Variants in ANKRD30B observed in about 807,000 individuals in gnomAD.
ANKRD30B encodes ankyrin repeat domain-containing protein 30B.
Under a neutral mutation model 202.2 loss-of-function variants are expected in ANKRD30B, and 144 were observed. The ratio of observed to expected loss-of-function variants is 0.71; its 90% CI spans 0.62 to 0.82. ANKRD30B has a LOEUF of 0.82. Ranked by LOEUF, ANKRD30B falls within the 40% of genes least tolerant of loss-of-function variation. ANKRD30B has a pLI of 0.00. For missense variants in ANKRD30B, 1,487 were observed against 1,669.1 expected, an observed-to-expected ratio of 0.89 and a Z score of 1.90; for synonymous variants, 508 against 561.3, an observed-to-expected ratio of 0.91 and a Z score of 1.34.
intron 9 of ANKRD30B, among the ~76,000 whole-genome samples, chr18:14,774,706 C>T (rs1459852230): frequency 6.6e-6 from 1 of 151,918 alleles, no homozygotes; most frequent in Non-Finnish European, 1.5e-5. Context: ...ATTAATACAA[C>T]TGTAAATTAG....
intron 27 of ANKRD30B, 38 bp from the exon 28 acceptor site, chr18:14,810,070 C>G: frequency 6.8e-7 from 1 of 1,463,576 alleles, no homozygotes; most frequent in Non-Finnish European, 9.4e-7. Context: ...ATGAAGTATA[C>G]ATTATCTATT....
At chr18:14,822,783 G>A in intron 32 of ANKRD30B, 106 bp downstream of exon 32, 1 of 1,372,278 alleles carries the variant, frequency 7.3e-7, no homozygotes, top group Non-Finnish European at 9.7e-7. Flanking sequence ...AAAATTGGAT[G>A]GGAAAATTTG....
chr18:14,796,245 T>A lies in ANKRD30B; in HGVS notation c.1850T>A (p.Leu617Gln). ...LEESPVKDGL[L>Q]KPTCGRKVSL... Reference sequence around the variant, plus strand: ...GAGTCTCCTGTTAAAGATGGTCTTCTGAAGGTAATAACTTTTATATTGCTA... The same window carrying A: ...GAGTCTCCTGTTAAAGATGGTCTTCAGAAGGTAATAACTTTTATATTGCTA... The change falls in exon 17 of 44, where the codon CTG becomes CAG. Residue 617 changes from leucine (L) to glutamine (Q), a missense_variant. By Grantham distance (113) the Leu-to-Gln change is moderately radical. Transcript: ENST00000690538. 1 of 1,604,114 alleles carries A rather than the reference T, an allele frequency of 6.2e-7. No homozygotes were observed. Among genetic ancestry groups the A allele is most frequent in the East Asian group, 2.2e-5 (1 of 44,722 alleles).
chr18:14,833,907 T>G (rs1971063133), intron 34 of ANKRD30B, among the ~76,000 whole-genome samples: 1 of 152,190 alleles, frequency 6.6e-6, no homozygotes, highest in Admixed American at 6.5e-5. Flanking sequence ...AGAATACATT[T>G]CTTCAGTGTC....
chr18:14,817,550 C>T (rs1469990013), intron 30 of ANKRD30B, among the ~76,000 whole-genome samples: 1 of 152,118 alleles, frequency 6.6e-6, no homozygotes, highest in South Asian at 2.1e-4. Context: ...AATGTTTCAT[C>T]TCTGCATGTT....
the ANKRD30B span, among the ~76,000 whole-genome samples, chr18:14,922,097 C>T: frequency 3.3e-5 from 5 of 152,142 alleles, no homozygotes; most frequent in South Asian, 1.0e-3. Flanking sequence ...ATTGCCAACA[C>T]CATCCCTTCC....
At chr18:14,926,087 C>T in the ANKRD30B span, among the ~76,000 whole-genome samples, 6 of 152,162 alleles carry the variant, frequency 3.9e-5, no homozygotes, top group East Asian at 3.8e-4. Flanking sequence ...TGCCTACCAG[C>T]GGCAGAGTTA....
chr18:14,934,995 C>G, the ANKRD30B span, among the ~76,000 whole-genome samples: 2 of 152,132 alleles, frequency 1.3e-5, no homozygotes, highest in South Asian at 4.1e-4. Flanking sequence ...CCCTCCCAGG[C>G]CCCCTCACAG....
At chr18:14,874,916 C>T in the ANKRD30B span, among the ~76,000 whole-genome samples, 2 of 152,076 alleles carry the variant, frequency 1.3e-5, no homozygotes, top group Non-Finnish European at 2.9e-5. Flanking sequence ...TTCTCAAAGC[C>T]TAGGGGAGTG....
chr18:14,844,751 T>G (rs1971562975), intron 39 of ANKRD30B, among the ~76,000 whole-genome samples: 1 of 152,168 alleles, frequency 6.6e-6, no homozygotes, highest in Admixed American at 6.5e-5. Flanking sequence ...ACCTGTTGTT[T>G]CCTGACTTTT....
chr18:14,753,595 G>A (rs1913829144), intron 3 of ANKRD30B, among the ~76,000 whole-genome samples: 1 of 152,080 alleles, frequency 6.6e-6, no homozygotes, highest in African/African-American at 2.4e-5. Flanking sequence ...ATTCAAGACA[G>A]TTGATAGCTG....
At chr18:14,766,493 A>AAAAAAAGAAAAGAAAAG (rs1567989711) in intron 7 of ANKRD30B, among the ~76,000 whole-genome samples, 4 of 84,992 alleles carry the variant, frequency 4.7e-5, no homozygotes, top group South Asian at 3.3e-4. Context: ...AAAAAAAAAA[A>AAAAAAAGAAAAGAAAAG]AAAAGAAAAG....
At chr18:14,931,721 C>G in the ANKRD30B span, among the ~76,000 whole-genome samples, 1 of 152,082 alleles carries the variant, frequency 6.6e-6, no homozygotes, top group Non-Finnish European at 1.5e-5. Flanking sequence ...TGGCCTTAGG[C>G]GAAGTACAGC....
Position 14,763,349 on chromosome 18 carries a change from G to A in ANKRD30B, c.821-337G>A, listed in dbSNP as rs191164751. On this transcript the variant is annotated intron_variant, in intron 6 of 43. Coordinates refer to ENST00000690538, the MANE Select transcript of ANKRD30B (RefSeq NM_001367607.2). ...GAATTGCTTGAGCTCAGGAATTTGA[G>A]ACTAGCCTGACTAACATGGTGAAAC... 1.3e-4 allele frequency among the ~76,000 whole-genome samples: 20 copies of A among 152,208 alleles called. No individual in the cohort carries two copies. In the East Asian group the frequency reaches 3.3e-3, roughly 25 times the overall value.
the ANKRD30B span, among the ~76,000 whole-genome samples, chr18:14,861,200 C>G: frequency 6.6e-6 from 1 of 152,064 alleles, no homozygotes; most frequent in Admixed American, 6.5e-5. Context: ...TGTACAGAAC[C>G]TATAAAGCAA....
chr18:14,868,692 A>G, the ANKRD30B span, among the ~76,000 whole-genome samples: 1 of 152,256 alleles, frequency 6.6e-6, no homozygotes, highest in Non-Finnish European at 1.5e-5. Context: ...ATCATCAAAG[A>G]GGCATCCTCC....
At chr18:14,885,120 A>G in the ANKRD30B span, among the ~76,000 whole-genome samples, 2 of 152,104 alleles carry the variant, frequency 1.3e-5, no homozygotes, top group African/African-American at 2.4e-5. Context: ...GCCTGCATCC[A>G]TTTCGATATA....
intron 14 of ANKRD30B, among the ~76,000 whole-genome samples, chr18:14,786,688 A>G (rs1204609180): frequency 6.6e-6 from 1 of 152,190 alleles, no homozygotes; most frequent in Non-Finnish European, 1.5e-5. Flanking sequence ...AAAATTTACA[A>G]AGAAATGAGA....
At chr18:14,820,315 C>A (rs909630067) in intron 30 of ANKRD30B, among the ~76,000 whole-genome samples, 28 of 152,170 alleles carry the variant, frequency 1.8e-4, no homozygotes, top group Non-Finnish European at 5.9e-5. Flanking sequence ...CAAAGAGGGA[C>A]AATTTGACTT....
Sources: gnomAD v4.1 joint callset for allele counts (sites outside exome capture counted in the v4.1 genomes callset) on GRCh38, gnomAD v4.1.1 for gene constraint, MANE v1.5 for transcripts, NCBI Gene and HGNC (gene_info 2026-07-23, HGNC 2026-07-21) for gene names.